Variants in CLASRP observed in about 807,000 individuals in gnomAD.
CLASRP encodes the protein CLK4 associating serine/arginine rich protein.
Under a neutral mutation model 99.9 loss-of-function variants are expected in CLASRP, and 52 were observed. That is an observed-to-expected ratio of 0.52 (90% CI 0.42 to 0.66). The LOEUF (loss-of-function observed/expected upper bound fraction) is 0.66. Among genes scored for constraint, CLASRP ranks in the 30% least tolerant of loss-of-function variants. The pLI, the probability that CLASRP is intolerant of heterozygous loss-of-function variation, is 0.00. For missense variants in CLASRP, 848 were observed against 999.2 expected, an observed-to-expected ratio of 0.85 and a Z score of 2.04; for synonymous variants, 379 against 373.0, an observed-to-expected ratio of 1.02 and a Z score of -0.18.
intron 13 of CLASRP, among the ~76,000 whole-genome samples, chr19:45,066,812 A>G (rs1274870224): frequency 1.3e-5 from 2 of 151,620 alleles, no homozygotes; most frequent in Non-Finnish European, 2.9e-5. Context: ...GAGTCCCACC[A>G]GTGTCCTGAG....
At chr19:45,059,735 C>T (rs535191148) in intron 8 of CLASRP, among the ~76,000 whole-genome samples, 47 of 152,238 alleles carry the variant, frequency 3.1e-4, no homozygotes, top group Non-Finnish European at 1.6e-4. Flanking sequence ...CCCTGCTGAG[C>T]TCACAAGACC....
chr19:45,069,185 AG>A lies in CLASRP; in HGVS notation c.1828-16del. 1.2e-5 allele frequency: 19 copies of A among 1,614,134 alleles called. No individual in the cohort carries two copies. The highest frequency in any genetic ancestry group is 1.6e-5 in the Non-Finnish European group (19 of 1,180,006). Reference sequence around the variant, plus strand: ...GGTGCTGGCCTGGCCACGTCCTCATAGCCCTGTCTGCTGCAGGAGCGGGAAG... The same window carrying A: ...GGTGCTGGCCTGGCCACGTCCTCATACCCTGTCTGCTGCAGGAGCGGGAAG... On this transcript the variant is annotated splice_polypyrimidine_tract_variant and intron_variant, in intron 17 of 20. Transcript: ENST00000221455.
intron 2 of CLASRP, among the ~76,000 whole-genome samples, chr19:45,046,395 A>C (rs1333814586): frequency 6.6e-6 from 1 of 152,228 alleles, no homozygotes; most frequent in Admixed American, 6.5e-5. Flanking sequence ...ATAAAGAAAC[A>C]GAATCCTCTG....
intron 5 of CLASRP, 96 bp from the exon 6 acceptor site, chr19:45,056,354 G>A: frequency 2.0e-6 from 2 of 1,019,306 alleles, no homozygotes; most frequent in Middle Eastern, 2.6e-4. Context: ...CACTGGGGTT[G>A]CACCTGTCTT....
rs367556443 is a variant in CLASRP at position 45,067,715 on chromosome 19, G to A, written c.1667+121G>A. On this transcript the variant is annotated intron_variant, in intron 14 of 20. Coordinates refer to ENST00000221455, the MANE Select transcript of CLASRP (RefSeq NM_007056.3). The surrounding 1 kb of genome is among the most constrained non-coding windows in gnomAD (Gnocchi z 4.9). ...TGGGAGGTCTGGGGGGTGGTGTATG[G>A]CCCTGGCCTGGGAGGGTGGATTTCA... 8.7e-4 allele frequency: 841 copies of A among 962,046 alleles called. 3 individuals are homozygous for A. In the African/African-American group the frequency reaches 0.012, roughly 14 times the overall value. 59.6% of individuals were successfully genotyped at this position (962,046 alleles called of 1,614,324 possible).
At chr19:45,041,510 T>C (rs974859954) in intron 2 of CLASRP, among the ~76,000 whole-genome samples, 2 of 152,208 alleles carry the variant, frequency 1.3e-5, no homozygotes, top group Non-Finnish European at 2.9e-5. Flanking sequence ...ACCTGTTTTC[T>C]AGGTTCAGTG....
chr19:45,040,360 C>A (rs1387483587), intron 2 of CLASRP, 49 bp downstream of exon 2: 2 of 1,293,620 alleles, frequency 1.5e-6, no homozygotes, highest in Non-Finnish European at 2.2e-6. Context: ...GGTTGGGGGG[C>A]ACAGCTGGTC....
intron 18 of CLASRP, 68 bp from the exon 19 acceptor site, chr19:45,069,954 G>A (rs758528314): frequency 1.1e-6 from 1 of 869,580 alleles, no homozygotes; most frequent in East Asian, 2.4e-5. Flanking sequence ...GGTGTTGGAA[G>A]CACCTGCCCT....
intron 2 of CLASRP, among the ~76,000 whole-genome samples, chr19:45,046,236 C>G (rs1288440533): frequency 6.6e-6 from 1 of 152,112 alleles, no homozygotes; most frequent in Admixed American, 6.6e-5. Context: ...TTGTGGCAGG[C>G]TGAATGAGTA....
In CLASRP at chr19:45,062,233, G is replaced by T; in HGVS notation, c.905+38G>T. On this transcript the variant is annotated intron_variant, in intron 11 of 20. Transcript: ENST00000221455. ...GGAGGACCAGGGAATAGCAGACAGG[G>T]AGCCTCCTGATGGGGACAGGGGTGC... is the stretch of plus-strand genomic sequence containing the variant. The T allele has an allele frequency of 3.4e-6, 4 of 1,188,342 alleles. 1 individual carries two copies. In the South Asian group the frequency reaches 4.8e-5, roughly 14 times the overall value. 73.6% of individuals were successfully genotyped at this position (1,188,342 alleles called of 1,614,324 possible). A position where few individuals can be genotyped will look rare whatever the true frequency, so the allele number is the denominator to read the frequency against.
intron 2 of CLASRP, among the ~76,000 whole-genome samples, chr19:45,046,753 C>A (rs181654434): frequency 2.4e-4 from 36 of 152,206 alleles, no homozygotes; most frequent in Non-Finnish European, 4.1e-4. Context: ...TTGGGCCGGG[C>A]GCGGTAGCTC....
intron 2 of CLASRP, among the ~76,000 whole-genome samples, chr19:45,042,454 G>A (rs958958398): frequency 6.6e-6 from 1 of 151,374 alleles, no homozygotes; most frequent in Non-Finnish European, 1.5e-5. Context: ...GGGAGGCATA[G>A]GTTGCATTGC....
rs1170536656 is a variant in CLASRP at position 45,067,411 on chromosome 19, G to T, written c.1484G>T (p.Arg495Leu). ...AGGCACCACAGCAGTAGCCGCAGCC[G>T]CAGCAGCTGGTCCCTCAGCCCGTCC... ...GLRHHSSSRS[R>L]SSWSLSPSRS... is the part of the protein sequence containing the mutation. The change falls in exon 14 of 21, where the codon CGC becomes CTC. Residue 495 changes from arginine (R) to leucine (L), a missense_variant. Transcript: ENST00000221455. This position sits in a 1 kb window ranked among gnomAD's most constrained non-coding sequence, Gnocchi z 4.9. The T allele has an allele frequency of 2.0e-6, 3 of 1,532,740 alleles. No homozygotes were observed. The highest frequency in any genetic ancestry group is 1.4e-5 in the African/African-American group (1 of 72,846). 94.9% of individuals were successfully genotyped at this position (1,532,740 alleles called of 1,614,324 possible).
chr19:45,052,687 T>C (rs1972047008), intron 3 of CLASRP, 104 bp from the exon 4 acceptor site: 7 of 803,264 alleles, frequency 8.7e-6, no homozygotes, highest in Non-Finnish European at 1.4e-5. Flanking sequence ...CAAAGCAGGC[T>C]GAGGGCCAGG....
chr19:45,049,071 T>C (rs957503216), intron 2 of CLASRP, among the ~76,000 whole-genome samples: 15 of 152,298 alleles, frequency 9.8e-5, no homozygotes, highest in Admixed American at 8.5e-4. Context: ...TGGTTTTTAG[T>C]AGGGTTCATT....
rs373053828 is a variant in CLASRP at position 45,070,018 on chromosome 19, G to T, written c.1875-4G>T. On this transcript the variant is annotated splice_region_variant and splice_polypyrimidine_tract_variant and intron_variant, in intron 18 of 20. Transcript: ENST00000221455. ...GGCCAGATGCTCATGCCATGCCTTC[G>T]CAGGGAGCGGGAACGCCGAGAGAAG... The T allele has an allele frequency of 6.3e-7, 1 of 1,578,052 alleles. No homozygotes were observed. The highest frequency in any genetic ancestry group is 1.3e-5 in the African/African-American group (1 of 74,176).
intron 7 of CLASRP, 128 bp from the exon 8 acceptor site, chr19:45,059,140 T>C: frequency 1.3e-6 from 1 of 758,774 alleles, no homozygotes; most frequent in Non-Finnish European, 2.2e-6. Context: ...CCAGACTTGA[T>C]GCCATCCCTT....
chr19:45,053,155 G>C lies in CLASRP; in HGVS notation c.357G>C (p.Leu119=). The C allele has an allele frequency of 1.2e-6, 2 of 1,614,060 alleles. No homozygotes were observed. The highest frequency in any genetic ancestry group is 1.7e-6 in the Non-Finnish European group (2 of 1,180,012). Residue 119 remains leucine, a synonymous_variant, in exon 5 of 21, where the codon CTG becomes CTC. Transcript: ENST00000221455. ...RKCNYERYRG[L]VQNDFAGISE... ...GTAACTACGAGCGCTACAGAGGCCT[G>C]GTGCAGAACGACTTTGCCGGCAGTG...
intron 3 of CLASRP, 101 bp from the exon 4 acceptor site, chr19:45,052,689 AG>A: frequency 1.2e-6 from 1 of 810,958 alleles, no homozygotes. Context: ...AAGCAGGCTG[AG>A]GGCCAGGCTT....
Sources: allele counts gnomAD v4.1 joint callset (sites outside exome capture counted in the v4.1 genomes callset), GRCh38; gene constraint gnomAD v4.1.1; non-coding constraint Gnocchi (gnomAD v3.1); transcripts MANE v1.5; gene names NCBI Gene and HGNC (gene_info 2026-07-23, HGNC 2026-07-21).